Variants in XIRP2 observed in about 807,000 individuals in gnomAD.
The protein encoded by XIRP2 is xin actin-binding repeat-containing protein 2.
XIRP2 carries 236 observed loss-of-function variants against 277.0 expected under a neutral mutation model. The observed-to-expected ratio is 0.85, with a 90% CI of 0.77 to 0.95. XIRP2 has a LOEUF of 0.95. Ranked by LOEUF, XIRP2 falls within the 40% of genes least tolerant of loss-of-function variation. The pLI is 0.00. For missense variants in XIRP2, 4,640 were observed against 4,157.5 expected (o/e 1.12, Z -3.19); for synonymous variants, 1,490 against 1,416.5 (o/e 1.05, Z -1.17).
intron 2 of XIRP2, among the ~76,000 whole-genome samples, chr2:167,076,510 C>T (rs1370639730): frequency 6.6e-6 from 1 of 152,094 alleles, no homozygotes; most frequent in Non-Finnish European, 1.5e-5. Context: ...ACAGCTGATA[C>T]ACAGAAAAAT....
At chr2:166,961,913 A>G (rs1055122571) in intron 2 of XIRP2, among the ~76,000 whole-genome samples, 4 of 151,722 alleles carry the variant, frequency 2.6e-5, no homozygotes, top group Admixed American at 6.6e-5. Context: ...TTTGTCTTTT[A>G]AAAAAGCTAA....
chr2:167,192,823 A>G (rs1693387476), intron 3 of XIRP2, among the ~76,000 whole-genome samples: 1 of 152,204 alleles, frequency 6.6e-6, no homozygotes, highest in Admixed American at 6.5e-5. Context: ...AGCAACTGGC[A>G]GCAATCAACA....
chr2:166,951,616 A>G (rs1686035418), intron 2 of XIRP2, among the ~76,000 whole-genome samples: 2 of 152,026 alleles, frequency 1.3e-5, no homozygotes, highest in Non-Finnish European at 2.9e-5. Context: ...TGTGTCATGC[A>G]TTGAATATTT....
At chr2:167,210,508 G>A (rs565357413) in intron 3 of XIRP2, among the ~76,000 whole-genome samples, 2 of 152,196 alleles carry the variant, frequency 1.3e-5, no homozygotes, top group East Asian at 3.9e-4. Context: ...GCAAGAGTTG[G>A]GGGGATAAAT....
intron 2 of XIRP2, among the ~76,000 whole-genome samples, chr2:167,075,963 A>G (rs956666157): frequency 6.6e-6 from 1 of 152,010 alleles, no homozygotes; most frequent in Non-Finnish European, 1.5e-5. Flanking sequence ...AGCGTGAGCC[A>G]CCCCTCCAAG....
At chr2:167,081,781 G>T (rs1689743915) in intron 2 of XIRP2, among the ~76,000 whole-genome samples, 2 of 152,086 alleles carry the variant, frequency 1.3e-5, no homozygotes, top group African/African-American at 4.8e-5. Flanking sequence ...TTTGATGTAT[G>T]ATTTCCTTTG....
In XIRP2 at chr2:167,094,489, T is replaced by C. The variant is rs563258994; in HGVS notation, c.409-41420T>C. On this transcript the variant is annotated intron_variant, in intron 2 of 10. Transcript: ENST00000409195. ...CTTTAATCCATCTTGAGTTAATTTTTGTATAAGGTGTAAGGAAGGGGTCTA... is the reference window on the plus strand; with the variant it reads ...CTTTAATCCATCTTGAGTTAATTTTCGTATAAGGTGTAAGGAAGGGGTCTA... Among the ~76,000 whole-genome samples, 16 of 152,330 alleles carry C rather than the reference T, an allele frequency of 1.1e-4. No individual in the cohort carries two copies. In the South Asian group the frequency reaches 2.3e-3, roughly 22 times the overall value.
intron 5 of XIRP2, among the ~76,000 whole-genome samples, chr2:167,238,400 A>ATT (rs1260416643): frequency 1.3e-5 from 2 of 151,772 alleles, no homozygotes; most frequent in Admixed American, 6.6e-5. Context: ...AGGCCTCAAC[A>ATT]TTTTTTTCTT....
intron 3 of XIRP2, among the ~76,000 whole-genome samples, chr2:167,175,058 T>C (rs1444400817): frequency 6.6e-6 from 1 of 152,196 alleles, no homozygotes; most frequent in African/African-American, 2.4e-5. Context: ...GTATACACTG[T>C]TGATTTGGGG....
intron 3 of XIRP2, among the ~76,000 whole-genome samples, chr2:167,170,730 T>C (rs1267669902): frequency 1.3e-5 from 2 of 152,118 alleles, no homozygotes; most frequent in African/African-American, 4.8e-5. Context: ...TTAGCAATTT[T>C]ATTAATTAAT....
intron 2 of XIRP2, among the ~76,000 whole-genome samples, chr2:167,075,359 A>G (rs977494826): frequency 6.6e-6 from 1 of 152,178 alleles, no homozygotes; most frequent in Non-Finnish European, 1.5e-5. Flanking sequence ...TGGGAAAACC[A>G]TATCAAAGGA....
At chr2:166,933,870 A>C (rs1206254111) in intron 2 of XIRP2, among the ~76,000 whole-genome samples, 4 of 152,114 alleles carry the variant, frequency 2.6e-5, no homozygotes, top group Non-Finnish European at 5.9e-5. Context: ...TATATAATTT[A>C]TTCTCTGATA....
At chr2:167,234,301 C>T (rs961497394) in intron 5 of XIRP2, among the ~76,000 whole-genome samples, 1 of 151,338 alleles carries the variant, frequency 6.6e-6, no homozygotes, top group African/African-American at 2.4e-5. Flanking sequence ...GAAATTTATG[C>T]AATATATCTG....
chr2:167,164,197 T>C (rs946410917), intron 3 of XIRP2, among the ~76,000 whole-genome samples: 1 of 152,016 alleles, frequency 6.6e-6, no homozygotes, highest in African/African-American at 2.4e-5. Context: ...TCCCGGCACT[T>C]TGGGAGGCCG....
chr2:167,006,212 T>C (rs1012462200), intron 2 of XIRP2, among the ~76,000 whole-genome samples: 3 of 151,680 alleles, frequency 2.0e-5, no homozygotes, highest in Non-Finnish European at 4.4e-5. Context: ...TTGGGTAAGA[T>C]ACTTGGATAT....
intron 3 of XIRP2, among the ~76,000 whole-genome samples, chr2:167,205,060 A>T (rs7579298): frequency 0.013 from 2,028 of 152,212 alleles, 53 homozygotes; most frequent in African/African-American, 0.047. Flanking sequence ...TCTCTCTAGC[A>T]CATATTCACA....
Position 167,258,276 on chromosome 2 carries a change from G to A in XIRP2, c.*459G>A, listed in dbSNP as rs2105458339. On this transcript the variant is annotated 3_prime_UTR_variant, in exon 11 of 11. Transcript: ENST00000409195. ...ACCCTGCTATCCCCTGAATTTAAAA[G>A]TGAATCTCTGCTAGAAGATGTTAGA... The A allele has an allele frequency of 6.2e-7, 1 of 1,613,366 alleles. No homozygotes were observed. The highest frequency in any genetic ancestry group is 1.7e-5 in the Admixed American group (1 of 59,882).
In XIRP2 at chr2:167,142,579, A is replaced by G. The variant is rs184277740; in HGVS notation, c.562+6517A>G. On this transcript the variant is annotated intron_variant, in intron 3 of 10. Coordinates refer to ENST00000409195, the MANE Select transcript of XIRP2 (RefSeq NM_152381.6). ...AATAAAAAATAAAAAAATAAAAAAA[A>G]AGAGAGAAAGAAAGGTACATGGGAT... 2.4e-3 allele frequency among the ~76,000 whole-genome samples: 368 copies of G among 152,114 alleles called. 2 individuals are homozygous for G. Among genetic ancestry groups the G allele is most frequent in the African/African-American group, 8.4e-3 (347 of 41,502 alleles).
At chr2:166,920,056 C>A (rs190484509) in intron 2 of XIRP2, among the ~76,000 whole-genome samples, 3 of 152,060 alleles carry the variant, frequency 2.0e-5, no homozygotes, top group African/African-American at 7.2e-5. Context: ...TTGAATGCCT[C>A]GCCTCATGCT....
Sources: gnomAD v4.1 joint callset for allele counts (sites outside exome capture counted in the v4.1 genomes callset) on GRCh38, gnomAD v4.1.1 for gene constraint, MANE v1.5 for transcripts, NCBI Gene and HGNC (gene_info 2026-07-23, HGNC 2026-07-21) for gene names.